IFT52: variants seen among roughly 807,000 people sequenced by gnomAD.
IFT52 encodes intraflagellar transport 52, also known as intraflagellar transport protein 52 homolog.
A neutral mutation model predicts 54.4 loss-of-function variants in IFT52; 44 were observed. That is an observed-to-expected ratio of 0.81 (90% CI 0.63 to 1.04). The LOEUF is 1.04. Among genes scored for constraint, IFT52 ranks in the 50% least tolerant of loss-of-function variants. The pLI, the probability that IFT52 is intolerant of heterozygous loss-of-function variation, is 0.00. For missense variants in IFT52, 452 were observed against 523.6 expected, an observed-to-expected ratio of 0.86 and a Z score of 1.33; for synonymous variants, 181 against 185.3, an observed-to-expected ratio of 0.98 and a Z score of 0.19.
chr20:43,641,757 G>A (rs535189285), intron 12 of IFT52, among the ~76,000 whole-genome samples: 16 of 152,254 alleles, frequency 1.1e-4, no homozygotes, highest in South Asian at 4.1e-4. Flanking sequence ...GCCTCCCAAA[G>A]TGCTGGGATT....
At chr20:43,593,858 C>A (rs201994518) in intron 1 of IFT52, among the ~76,000 whole-genome samples, 2 of 152,092 alleles carry the variant, frequency 1.3e-5, no homozygotes, top group East Asian at 3.9e-4. Context: ...GCCACTGCAC[C>A]CAGCCCTGTG....
rs1297112062 is a variant in IFT52 at position 43,644,607 on chromosome 20, T to C, written c.1266+1983T>C. ...CTAGCCTGACCAACATGGTGAACCC[T>C]CCTCTCTACTAAAAATACAAAAATT... On this transcript the variant is annotated intron_variant, in intron 13 of 13. Transcript: ENST00000373030. Among the ~76,000 whole-genome samples the C allele has an allele frequency of 3.2e-4, 17 of 53,642 alleles. 8 individuals carry two copies. In the Admixed American group the frequency reaches 3.7e-3, roughly 12 times the overall value. 35.2% of individuals were successfully genotyped at this position (53,642 alleles called of 152,430 possible). A position where few individuals can be genotyped will look rare whatever the true frequency, so the allele number is the denominator to read the frequency against.
In IFT52 at chr20:43,637,515, G is replaced by A. The variant is rs559616891; in HGVS notation, c.1120+262G>A. 1.2e-3 allele frequency among the ~76,000 whole-genome samples: 187 copies of A among 152,180 alleles called. 3 individuals carry two copies. The highest frequency in any genetic ancestry group is 5.9e-4 in the Admixed American group (9 of 15,268). On this transcript the variant is annotated intron_variant, in intron 12 of 13. Transcript: ENST00000373030. Reference sequence around the variant, plus strand: ...TGACCTCAGGCGATCAGCCCGCCTCGGCCTCCCAGAGTGCTGGGATTACAG... The same window carrying A: ...TGACCTCAGGCGATCAGCCCGCCTCAGCCTCCCAGAGTGCTGGGATTACAG...
chr20:43,619,127 T>G, intron 8 of IFT52, 101 bp downstream of exon 8: 3 of 810,420 alleles, frequency 3.7e-6, no homozygotes, highest in Non-Finnish European at 5.9e-6. Flanking sequence ...AAGCAGCTAC[T>G]CAGAACCCAT....
rs563041270 is a variant in IFT52 at position 43,591,241 on chromosome 20, A to G, written c.-7+187A>G. On this transcript the variant is annotated intron_variant, in intron 1 of 13. Coordinates refer to ENST00000373030, the MANE Select transcript of IFT52 (RefSeq NM_016004.5). ...GCGCCCCGGCTGGGCGCCCATCTCC[A>G]CGGCCTCGGGTGGTGCAGGTGTTTA... is the stretch of plus-strand genomic sequence containing the variant. 3.3e-5 allele frequency among the ~76,000 whole-genome samples: 5 copies of G among 152,256 alleles called. No individual in the cohort carries two copies. The East Asian group carries it at 7.7e-4, about 24-fold the overall frequency.
intron 10 of IFT52, among the ~76,000 whole-genome samples, chr20:43,633,623 G>A (rs992983311): frequency 2.0e-5 from 3 of 152,040 alleles, no homozygotes; most frequent in African/African-American, 7.3e-5. Context: ...CAGGAGCATC[G>A]CTTGAACCCG....
chr20:43,646,070 G>A (rs561035935), intron 13 of IFT52, among the ~76,000 whole-genome samples: 1 of 151,754 alleles, frequency 6.6e-6, no homozygotes, highest in Non-Finnish European at 1.5e-5. Flanking sequence ...AATTAGCCGC[G>A]CGTGGTGGCG....
intron 10 of IFT52, among the ~76,000 whole-genome samples, chr20:43,631,527 T>C: frequency 6.6e-6 from 1 of 152,226 alleles, no homozygotes; most frequent in East Asian, 1.9e-4. Flanking sequence ...GGGCTACAAA[T>C]ATATGTACAA....
In IFT52 at chr20:43,639,681, T is replaced by A. The variant is rs557930979; in HGVS notation, c.1120+2428T>A. Among the ~76,000 whole-genome samples the A allele has an allele frequency of 1.4e-3, 202 of 149,300 alleles. 2 individuals carry two copies. The highest frequency in any genetic ancestry group is 7.5e-3 in the East Asian group (38 of 5,060). Reference sequence around the variant, plus strand: ...GCGAAACTCCATCTAAAAAAAAAAATTTTTTTAAGTAGCCAGGTGCGGTGA... The same window carrying A: ...GCGAAACTCCATCTAAAAAAAAAAAATTTTTTAAGTAGCCAGGTGCGGTGA... On this transcript the variant is annotated intron_variant, in intron 12 of 13. Transcript: ENST00000373030.
rs1335195800 is a variant in IFT52, at chr20:43,644,160, A to G, written c.1266+1536A>G. On this transcript the variant is annotated intron_variant, in intron 13 of 13. Coordinates refer to ENST00000373030, the MANE Select transcript of IFT52 (RefSeq NM_016004.5). The stretch of plus-strand genomic sequence containing the variant: ...CTCTGACTGAGGACCAAGAACTTCA[A>G]AATTATCCCTGGCCTTCTTTTTTCC... 6.8e-5 allele frequency among the ~76,000 whole-genome samples: 3 copies of G among 44,190 alleles called. 1 individual carries two copies. Among genetic ancestry groups the G allele is most frequent in the African/African-American group, 3.5e-4 (3 of 8,584 alleles). The allele number at this position is 44,190 out of a possible 152,430, so 29.0% of individuals were successfully genotyped here.
chr20:43,596,736 C>CTTTTTTTT (rs59960911), intron 3 of IFT52, among the ~76,000 whole-genome samples: 1 of 75,910 alleles, frequency 1.3e-5, no homozygotes, highest in African/African-American at 4.9e-5. Flanking sequence ...AGCCACACTT[C>CTTTTTTTT]TTTTTTTTTT....
intron 6 of IFT52, among the ~76,000 whole-genome samples, chr20:43,606,050 G>A (rs764183569): frequency 3.3e-5 from 5 of 151,884 alleles, no homozygotes; most frequent in African/African-American, 4.8e-5. Flanking sequence ...GCGAAACCCC[G>A]TCTTTACTAA....
At chr20:43,632,346 C>T (rs564463295) in intron 10 of IFT52, among the ~76,000 whole-genome samples, 61 of 151,702 alleles carry the variant, frequency 4.0e-4, no homozygotes, top group African/African-American at 1.1e-3. Flanking sequence ...CTGCAACCTC[C>T]GCCTCCCGGG....
rs187891950 is a variant in IFT52, at chr20:43,601,097, A to C, written c.208-2663A>C. Among the ~76,000 whole-genome samples, 124 of 152,210 alleles carry C rather than the reference A, an allele frequency of 8.1e-4. 1 individual carries two copies. Among genetic ancestry groups the C allele is most frequent in the African/African-American group, 2.8e-3 (115 of 41,538 alleles). ...GTGGAATAGTTCTTTACTGTGTGGGACTGGTCTGAATATTGCAGGACCTTA... is the reference window on the plus strand; with the variant it reads ...GTGGAATAGTTCTTTACTGTGTGGGCCTGGTCTGAATATTGCAGGACCTTA... On this transcript the variant is annotated intron_variant, in intron 3 of 13. Coordinates refer to ENST00000373030, the MANE Select transcript of IFT52 (RefSeq NM_016004.5).
chr20:43,626,020 C>T (rs1444274294), intron 10 of IFT52, among the ~76,000 whole-genome samples: 14 of 46,640 alleles, frequency 3.0e-4, no homozygotes, highest in South Asian at 1.0e-3. Context: ...ATCTTGTCTC[C>T]GGAAAAAAAA....
chr20:43,646,867 C>A, intron 13 of IFT52, 69 bp from the exon 14 acceptor site: 1 of 1,231,930 alleles, frequency 8.1e-7, no homozygotes, highest in Non-Finnish European at 1.2e-6. Flanking sequence ...AAGTCCAAAG[C>A]ACTGAAGAGT....
At chr20:43,597,030 C>T (rs191443488) in intron 3 of IFT52, among the ~76,000 whole-genome samples, 5 of 151,206 alleles carry the variant, frequency 3.3e-5, no homozygotes, top group Admixed American at 6.6e-5. Flanking sequence ...TGTGAGCCAC[C>T]GAGCCCAGCC....
rs1340838168 is a variant in IFT52, at chr20:43,628,047, G to A, written c.923+4002G>A. Among the ~76,000 whole-genome samples the A allele has an allele frequency of 4.1e-5, 6 of 147,506 alleles. No individual in the cohort carries two copies. In the East Asian group the frequency reaches 1.3e-3, roughly 31 times the overall value. ...GTTCAAGTGATCCTCCTACCTCTCAGCCTCCATAGTAGCTGGGACTACAGG... is the reference window on the plus strand; with the variant it reads ...GTTCAAGTGATCCTCCTACCTCTCAACCTCCATAGTAGCTGGGACTACAGG... On this transcript the variant is annotated intron_variant, in intron 10 of 13. Transcript: ENST00000373030.
intron 6 of IFT52, among the ~76,000 whole-genome samples, chr20:43,606,506 T>G (rs1312452683): frequency 6.6e-6 from 1 of 152,016 alleles, no homozygotes; most frequent in Non-Finnish European, 1.5e-5. Flanking sequence ...ACTCCTGACC[T>G]CAGGTGATCC....
Sources: allele counts gnomAD v4.1 joint callset (sites outside exome capture counted in the v4.1 genomes callset), GRCh38; gene constraint gnomAD v4.1.1; transcripts MANE v1.5; gene names NCBI Gene and HGNC (gene_info 2026-07-23, HGNC 2026-07-21).